The following FHDC1 variants were observed in gnomAD, a reference collection of about 807,000 sequenced individuals.
The protein encoded by FHDC1 is FH2 domain-containing protein 1.
In FHDC1, 25 loss-of-function variants were observed where a neutral mutation model predicts 52.6. That is an observed-to-expected ratio of 0.48 (90% CI 0.35 to 0.66). FHDC1 has a LOEUF of 0.66. FHDC1 is among the 30% of genes least tolerant of loss of function. The probability of loss-of-function intolerance (pLI) is 0.01; values close to 1 mark genes in which losing one functional copy is unlikely to be tolerated. For missense variants in FHDC1, 1,459 were observed against 1,452.8 expected, an observed-to-expected ratio of 1.00 and a Z score of -0.07; for synonymous variants, 616 against 581.5, an observed-to-expected ratio of 1.06 and a Z score of -0.85.
rs1489542953 is a variant in FHDC1 at position 152,943,618 on chromosome 4, G to A, written c.498+63G>A. On this transcript the variant is annotated intron_variant, in intron 2 of 11. Coordinates refer to ENST00000511601, the MANE Select transcript of FHDC1 (RefSeq NM_001371116.1). Reference sequence around the variant, plus strand: ...TGCATTGTTTTGTGTTTTGGGATGTGTGTACATTTCAAATAATTGCTAGAC... The same window carrying A: ...TGCATTGTTTTGTGTTTTGGGATGTATGTACATTTCAAATAATTGCTAGAC... 8.6e-6 allele frequency: 13 copies of A among 1,515,446 alleles called. No homozygotes were observed. The African/African-American group carries it at 1.7e-4, about 19-fold the overall frequency. 93.9% of individuals were successfully genotyped at this position (1,515,446 alleles called of 1,614,324 possible).
intron 6 of FHDC1, among the ~76,000 whole-genome samples, 198 bp downstream of exon 6, chr4:152,961,042 A>C (rs149282931): frequency 3.9e-5 from 6 of 152,322 alleles, no homozygotes; most frequent in Non-Finnish European, 8.8e-5. Context: ...GTTAATTTAC[A>C]TATTACCCTC....
At chr4:152,961,967 C>T (rs183515822) in intron 6 of FHDC1, among the ~76,000 whole-genome samples, 243 of 152,196 alleles carry the variant, frequency 1.6e-3, no homozygotes, top group African/African-American at 5.6e-3. Context: ...CCAAAACTGG[C>T]CTTCTTAGAT....
intron 11 of FHDC1, 25 bp downstream of exon 11, chr4:152,972,566 TG>T (rs1365515260): frequency 6.3e-7 from 1 of 1,581,612 alleles, no homozygotes; most frequent in Admixed American, 1.9e-5. Context: ...ATCTGTGTCT[TG>T]GGGTTGTTTG....
the FHDC1 span, among the ~76,000 whole-genome samples, chr4:152,924,929 G>C: frequency 1.3e-5 from 2 of 150,960 alleles, no homozygotes; most frequent in African/African-American, 4.9e-5. Flanking sequence ...GTTAATGGGT[G>C]CAGCACACCA....
At position 152,975,252 on chromosome 4, in the gene FHDC1, G is replaced by T. The variant is rs1304239893; in HGVS notation, c.1961G>T (p.Ser654Ile). Reference sequence around the variant, plus strand: ...CGAAAGAGGTACAGTGAGCCGGTGAGCCTGGGCTCAGCACAGTCCCCTCCT... The same window carrying T: ...CGAAAGAGGTACAGTGAGCCGGTGATCCTGGGCTCAGCACAGTCCCCTCCT... ...VLRKRYSEPV[S>I]LGSAQSPPLS... The change falls in exon 12 of 12, where the codon AGC becomes ATC. Residue 654 changes from serine (S) to isoleucine (I), a missense_variant. By Grantham distance (142) the Ser-to-Ile change is moderately radical. This residue lies in a region of FHDC1 where 939 missense variants were observed against 854.5 expected (regional missense o/e 1.10). Transcript: ENST00000511601. 4.3e-6 allele frequency: 7 copies of T among 1,613,348 alleles called. No homozygotes were observed. In the African/African-American group the frequency reaches 9.3e-5, roughly 22 times the overall value.
At chr4:152,930,936 G>T in the FHDC1 span, among the ~76,000 whole-genome samples, 3 of 146,452 alleles carry the variant, frequency 2.0e-5, no homozygotes, top group Non-Finnish European at 4.5e-5. Context: ...CTTATGTGGG[G>T]TGTGCACATA....
chr4:152,970,300 C>T (rs930642564), intron 10 of FHDC1, among the ~76,000 whole-genome samples: 2 of 152,250 alleles, frequency 1.3e-5, no homozygotes, highest in Non-Finnish European at 2.9e-5. Context: ...TTGGACACTA[C>T]AGCTGCTAAC....
rs1419056924 is a variant in FHDC1, at chr4:152,943,466, C to A, written c.409C>A (p.Leu137Ile). 1 of 1,614,114 alleles carries A rather than the reference C, an allele frequency of 6.2e-7. No homozygotes were observed. Among genetic ancestry groups the A allele is most frequent in the Non-Finnish European group, 8.5e-7 (1 of 1,180,036 alleles). Residue 137 changes from leucine to isoleucine, a missense_variant, in exon 2 of 12, where the codon CTC becomes ATC. By Grantham distance (5) the Leu-to-Ile change is conservative. This residue lies in a region of FHDC1 where 513 missense variants were observed against 581.5 expected (regional missense o/e 0.88). Coordinates refer to ENST00000511601, the MANE Select transcript of FHDC1 (RefSeq NM_001371116.1). ...AATTGATACAAAGACCATTGAGGAG[C>A]TCTTTGGGCAGCAGGAAGACACCAC... ...YQIDTKTIEE[L>I]FGQQEDTTKS... is the part of the protein sequence containing the mutation.
chr4:152,929,717 T>G, the FHDC1 span, among the ~76,000 whole-genome samples: 1 of 152,196 alleles, frequency 6.6e-6, no homozygotes. This position sits in a 1 kb window ranked among gnomAD's most constrained non-coding sequence, Gnocchi z 4.1. Context: ...ATGTTTAACC[T>G]GATTATGCTC....
rs1740896848 is a variant in FHDC1 at position 152,976,587 on chromosome 4, CAG to C, written c.3299_3300del (p.Glu1100ValfsTer145). On this transcript the variant is annotated frameshift_variant, in exon 12 of 12. Coordinates refer to ENST00000511601, the MANE Select transcript of FHDC1 (RefSeq NM_001371116.1). LOFTEE classifies it low-confidence loss of function (END_TRUNC). ...AGTGCCCGGGCCCCCAAGAAGCGCC[CAG>C]AGTCTGCGGAGGGTCCCAGTGCCAA... 1 of 1,612,364 alleles carries C rather than the reference CAG, an allele frequency of 6.2e-7. No individual in the cohort carries two copies. The highest frequency in any genetic ancestry group is 8.5e-7 in the Non-Finnish European group (1 of 1,179,506).
chr4:152,931,935 TAAAAAAAAAAAAAAAA>T (rs200667161), upstream of FHDC1, among the ~76,000 whole-genome samples: 1 of 95,264 alleles, frequency 1.0e-5, no homozygotes, highest in African/African-American at 4.9e-5. Flanking sequence ...AGAACCTGTC[TAAAAAAAAAAAAAAAA>T]AAAAAAAAAA....
chr4:152,975,797 G>C lies in FHDC1; in HGVS notation c.2506G>C (p.Val836Leu), dbSNP rs752161834. Residue 836 changes from valine (V) to leucine (L), a missense_variant, in exon 12 of 12, where the codon GTC (valine) becomes CTC (leucine). This residue lies in a region of FHDC1 where 939 missense variants were observed against 854.5 expected (regional missense o/e 1.10). Coordinates refer to ENST00000511601, the MANE Select transcript of FHDC1 (RefSeq NM_001371116.1). ...CCCCCCTGGGGAGGCTCCTGCCCCC[G>C]TCTCTGTGGATAGTGAGCCCAGCTG... The part of the protein sequence containing the change: ...SSPPGEAPAP[V>L]SVDSEPSCKG... 7 of 1,535,408 alleles carry C rather than the reference G, an allele frequency of 4.6e-6. No homozygotes were observed. The African/African-American group carries it at 5.5e-5, about 12-fold the overall frequency.
the FHDC1 span, among the ~76,000 whole-genome samples, chr4:152,924,107 A>G: frequency 6.6e-6 from 1 of 152,080 alleles, no homozygotes; most frequent in East Asian, 1.9e-4. Flanking sequence ...CAACCTACTC[A>G]TCTGACAAAG....
chr4:152,929,170 G>A, the FHDC1 span, among the ~76,000 whole-genome samples: 3 of 152,066 alleles, frequency 2.0e-5, no homozygotes, highest in Non-Finnish European at 4.4e-5. The surrounding 1 kb of genome is among the most constrained non-coding windows in gnomAD (Gnocchi z 4.1). Flanking sequence ...ACAACGAGAA[G>A]CACAGAGGGG....
At chr4:152,971,636 T>C (rs1461615102) in intron 10 of FHDC1, among the ~76,000 whole-genome samples, 1 of 152,146 alleles carries the variant, frequency 6.6e-6, no homozygotes, top group African/African-American at 2.4e-5. Flanking sequence ...CCTAGAAGAA[T>C]TAGGAGAAAA....
At chr4:152,949,121 T>TAAGAAGAAGAAGAAGAAGAAGAAG (rs1423440219) in intron 2 of FHDC1, among the ~76,000 whole-genome samples, 3 of 65,486 alleles carry the variant, frequency 4.6e-5, no homozygotes, top group East Asian at 1.0e-3. Flanking sequence ...ATAATAATAA[T>TAAGAAGAAGAAGAAGAAGAAGAAG]AATAAGAAGA....
At chr4:152,947,742 CTG>C (rs1307608988) in intron 2 of FHDC1, among the ~76,000 whole-genome samples, 1 of 151,892 alleles carries the variant, frequency 6.6e-6, no homozygotes, top group African/African-American at 2.4e-5. Context: ...ACTATGATGT[CTG>C]TAGCAATATA....
rs1579109680 is a variant in FHDC1 at position 152,976,553 on chromosome 4, C to A, written c.3262C>A (p.Arg1088=). ...AAPKDSSTLR[R]ASSARAPKKR... Reference sequence around the variant, plus strand: ...TCCCAAGGACAGCAGCACTTTGAGGCGAGCCAGCAGTGCCCGGGCCCCCAA... The same window carrying A: ...TCCCAAGGACAGCAGCACTTTGAGGAGAGCCAGCAGTGCCCGGGCCCCCAA... Residue 1088 remains arginine, a synonymous_variant, in exon 12 of 12, where the codon CGA becomes AGA. Coordinates refer to ENST00000511601, the MANE Select transcript of FHDC1 (RefSeq NM_001371116.1). The A allele has an allele frequency of 6.2e-7, 1 of 1,612,758 alleles. No homozygotes were observed. The highest frequency in any genetic ancestry group is 8.5e-7 in the Non-Finnish European group (1 of 1,179,690).
At chr4:152,935,002 T>G (rs943070880), upstream of FHDC1, among the ~76,000 whole-genome samples, 2 of 152,228 alleles carry the variant, frequency 1.3e-5, no homozygotes, top group Non-Finnish European at 2.9e-5. Context: ...CCTTTGGGAT[T>G]CATATTAGCT....
Sources: gnomAD v4.1 joint callset for allele counts (sites outside exome capture counted in the v4.1 genomes callset) on GRCh38, gnomAD v4.1.1 for gene constraint, gnomAD v4.1.1 regional missense constraint, Gnocchi (gnomAD v3.1) non-coding constraint, MANE v1.5 for transcripts, NCBI Gene and HGNC (gene_info 2026-07-23, HGNC 2026-07-21) for gene names.